The following HDAC4 variants were observed in gnomAD, a reference collection of about 807,000 sequenced individuals.
HDAC4 encodes histone deacetylase A.
A neutral mutation model predicts 135.1 loss-of-function variants in HDAC4; 16 were observed. The ratio of observed to expected loss-of-function variants is 0.12; its 90% confidence interval spans 0.08 to 0.18. HDAC4 has a LOEUF of 0.18. HDAC4 is among the 10% of genes least tolerant of loss of function. The pLI, the probability that HDAC4 is intolerant of heterozygous loss-of-function variation, is 1.00. For synonymous variants in HDAC4, 685 were observed against 653.4 expected (o/e 1.05, Z -0.74); for missense variants, 1,143 against 1,511.8 (o/e 0.76, Z 4.05).
rs2052400744 is a variant in HDAC4 at position 239,303,630 on chromosome 2, A to C, written c.22+49048T>G. Reference sequence around the variant, plus strand: ...TTTTAATTCACAATTGAGGAAACCAACAGGTTGAGCTGCTGCCTCAAGTAA... The same window carrying C: ...TTTTAATTCACAATTGAGGAAACCACCAGGTTGAGCTGCTGCCTCAAGTAA... On this transcript the variant is annotated intron_variant, in intron 2 of 26. Coordinates refer to ENST00000543185, the MANE Select transcript of HDAC4 (RefSeq NM_001378414.1). This position sits in a 1 kb window ranked among gnomAD's most constrained non-coding sequence, Gnocchi z 5.1. Among the ~76,000 whole-genome samples, 1 of 151,838 alleles carries C rather than the reference A, an allele frequency of 6.6e-6. No individual in the cohort carries two copies. Among genetic ancestry groups the C allele is most frequent in the Non-Finnish European group, 1.5e-5 (1 of 67,920 alleles).
In HDAC4 at chr2:239,089,999, C is replaced by T; in HGVS notation, c.2388+10G>A. 6.2e-7 allele frequency: 1 copy of T among 1,602,878 alleles called. No homozygotes were observed. The highest frequency in any genetic ancestry group is 8.5e-7 in the Non-Finnish European group (1 of 1,170,104). ...CCTGGAGGGCCACCACTGTCCAGGC[C>T]CCGACTGACCTTCAGCTCCCCTGTG... On this transcript the variant is annotated intron_variant, in intron 18 of 26. Transcript: ENST00000543185.
chr2:239,079,018 C>T (rs747505828), intron 22 of HDAC4, among the ~76,000 whole-genome samples: 1 of 152,238 alleles, frequency 6.6e-6, no homozygotes, highest in Non-Finnish European at 1.5e-5. Flanking sequence ...GGAAGTCCAT[C>T]AGGCAGCATG....
intron 18 of HDAC4, among the ~76,000 whole-genome samples, chr2:239,088,329 A>T (rs2036181178): frequency 6.6e-6 from 1 of 152,216 alleles, no homozygotes; most frequent in African/African-American, 2.4e-5. Context: ...CCGGCCAACC[A>T]TGAGTGACAA....
rs1247129755 is a variant in HDAC4, at chr2:239,138,873, C to A, written c.978+811G>T. On this transcript the variant is annotated intron_variant, in intron 9 of 26. Coordinates refer to ENST00000543185, the MANE Select transcript of HDAC4 (RefSeq NM_001378414.1). ...ACACGGAGCGAGGTCCTCGGACCTG[C>A]TGCCCTGGAAAGCCTCCGAGTATGG... Among the ~76,000 whole-genome samples the A allele has an allele frequency of 3.9e-5, 6 of 152,220 alleles. No homozygotes were observed. In the East Asian group the frequency reaches 1.2e-3, roughly 29 times the overall value.
At chr2:239,055,345 C>G in intron 24 of HDAC4, 1 of 189,744 alleles carries the variant, frequency 5.3e-6, no homozygotes, top group East Asian at 1.3e-4. Flanking sequence ...TAAGTACTGG[C>G]AGCAGATAAA....
intron 12 of HDAC4, among the ~76,000 whole-genome samples, chr2:239,124,856 T>G (rs2040048203): frequency 7.4e-6 from 1 of 135,194 alleles, no homozygotes; most frequent in Admixed American, 7.4e-5. Flanking sequence ...TTATATGACA[T>G]TCTGGTGTGC....
At chr2:239,275,651 C>T (rs1225307699) in intron 2 of HDAC4, among the ~76,000 whole-genome samples, 4 of 152,072 alleles carry the variant, frequency 2.6e-5, no homozygotes, top group Non-Finnish European at 4.4e-5. Flanking sequence ...CACCTGGGTT[C>T]GGTACTGCCA....
In HDAC4 at chr2:239,108,041, C is replaced by T. The variant is rs373675712; in HGVS notation, c.2112+9G>A. The T allele has an allele frequency of 5.0e-5, 80 of 1,610,582 alleles. No homozygotes were observed. Among genetic ancestry groups the T allele is most frequent in the East Asian group, 4.7e-4 (21 of 44,878 alleles). The stretch of plus-strand genomic sequence containing the variant: ...GCCGCAGCTGCCCACCTGCCCCGGT[C>T]GGCGTTACCTCGCATTTGCCCCGGA... On this transcript the variant is annotated intron_variant, in intron 15 of 26. Transcript: ENST00000543185.
At chr2:239,328,857 T>C (rs1180877446) in intron 2 of HDAC4, among the ~76,000 whole-genome samples, 14 of 152,212 alleles carry the variant, frequency 9.2e-5, no homozygotes, top group Admixed American at 9.2e-4. Context: ...GCTTGGTGTT[T>C]ATGTCTGATC....
chr2:239,218,199 C>A (rs2046750507), intron 3 of HDAC4, among the ~76,000 whole-genome samples: 2 of 152,050 alleles, frequency 1.3e-5, no homozygotes, highest in Non-Finnish European at 2.9e-5. Context: ...TGAAAATTAC[C>A]AGATTGGATA....
At chr2:239,242,132 AAG>A (rs2048210337) in intron 2 of HDAC4, among the ~76,000 whole-genome samples, 1 of 151,320 alleles carries the variant, frequency 6.6e-6, no homozygotes, top group African/African-American at 2.4e-5. Context: ...AAGAAGGAGA[AAG>A]AGAAAGAAAG....
chr2:239,152,685 A>T (rs1194771732), intron 7 of HDAC4, among the ~76,000 whole-genome samples: 1 of 152,164 alleles, frequency 6.6e-6, no homozygotes, highest in Non-Finnish European at 1.5e-5. Flanking sequence ...TTTGGGTATA[A>T]ATCTTGGTGT....
chr2:239,370,161 C>T (rs1001889760), intron 1 of HDAC4, among the ~76,000 whole-genome samples: 3 of 152,168 alleles, frequency 2.0e-5, no homozygotes, highest in East Asian at 1.9e-4. Context: ...AGGGGCTCTG[C>T]GGGGTCAAAA....
At chr2:239,197,105 G>A (rs1449875979) in intron 3 of HDAC4, among the ~76,000 whole-genome samples, 2 of 152,142 alleles carry the variant, frequency 1.3e-5, no homozygotes, top group Non-Finnish European at 2.9e-5. Context: ...TTCTCACTCT[G>A]CAGAACTCAG....
intron 1 of HDAC4, among the ~76,000 whole-genome samples, chr2:239,399,207 C>T (rs2126139228): frequency 6.6e-6 from 1 of 152,284 alleles, no homozygotes; most frequent in South Asian, 2.1e-4. Context: ...TTAAATTTCA[C>T]ATATTTTTGA....
At chr2:239,145,774 G>A (rs1442863410) in intron 7 of HDAC4, among the ~76,000 whole-genome samples, 1 of 151,972 alleles carries the variant, frequency 6.6e-6, no homozygotes, top group Non-Finnish European at 1.5e-5. Flanking sequence ...GCAGTGCACC[G>A]CCTCCAGAGC....
In HDAC4 at chr2:239,189,987, G is replaced by A. The variant is rs2044809428; in HGVS notation, c.185C>T (p.Ala62Val). The stretch of plus-strand genomic sequence containing the variant: ...CTGCTGCTCCCGCAGGGCCGGCTCT[G>A]CCACAGGCAGTGAGAACTGGTGGTC... The part of the protein sequence containing the change: ...RLDHQFSLPV[A>V]EPALREQQLQ... Residue 62 changes from alanine (A) to valine (V), a missense_variant, in exon 4 of 27, where the codon GCA becomes GTA. By Grantham distance (64) the Ala-to-Val change is moderately conservative (BLOSUM62 0). Transcript: ENST00000543185. 1 of 1,606,734 alleles carries A rather than the reference G, an allele frequency of 6.2e-7. No homozygotes were observed. Among genetic ancestry groups the A allele is most frequent in the African/African-American group, 1.3e-5 (1 of 74,790 alleles).
intron 2 of HDAC4, among the ~76,000 whole-genome samples, chr2:239,312,027 G>A (rs1422152936): frequency 6.6e-6 from 1 of 152,210 alleles, no homozygotes; most frequent in Non-Finnish European, 1.5e-5. Context: ...CCCACTAAAA[G>A]CCTTACCCAA....
chr2:239,079,861 T>C (rs910668020), intron 22 of HDAC4, among the ~76,000 whole-genome samples: 11 of 152,176 alleles, frequency 7.2e-5, no homozygotes, highest in African/African-American at 7.2e-5. Context: ...GACATGTGCA[T>C]GCAAAGACAA....
Sources: gnomAD v4.1 joint callset for allele counts (sites outside exome capture counted in the v4.1 genomes callset) on GRCh38, gnomAD v4.1.1 for gene constraint, Gnocchi (gnomAD v3.1) non-coding constraint, MANE v1.5 for transcripts, NCBI Gene and HGNC (gene_info 2026-07-23, HGNC 2026-07-21) for gene names.